Variants in FAXC observed in about 807,000 individuals in gnomAD.
FAXC encodes failed axon connections homolog.
A neutral mutation model predicts 41.9 loss-of-function variants in FAXC; 10 were observed. The ratio of observed to expected loss-of-function variants is 0.24; its 90% confidence interval spans 0.15 to 0.41. The LOEUF (loss-of-function observed/expected upper bound fraction) is 0.41. Among genes scored for constraint, FAXC ranks in the 10% least tolerant of loss-of-function variants. FAXC has a pLI of 1.00. For synonymous variants in FAXC, 183 were observed against 183.8 expected (o/e 1.00, Z 0.03); for missense variants, 399 against 510.9 (o/e 0.78, Z 2.11).
chr6:99,345,579 TA>T (rs1411598804), intron 1 of FAXC, among the ~76,000 whole-genome samples: 1 of 152,240 alleles, frequency 6.6e-6, no homozygotes, highest in African/African-American at 2.4e-5. Flanking sequence ...AAGGTTTATA[TA>T]AGAGGACAGC....
rs758577118 is a variant in FAXC at position 99,342,975 on chromosome 6, T to C, written c.325A>G (p.Asn109Asp). 17 of 1,612,488 alleles carry C rather than the reference T, an allele frequency of 1.1e-5. No homozygotes were observed. In the Middle Eastern group the frequency reaches 5.0e-4, roughly 47 times the overall value. Reference sequence around the variant, plus strand: ...GGAGATAAACTTGGAACACCATTGTTAGGTCTTGCAAACTGATGCAAAATA... The same window carrying C: ...GGAGATAAACTTGGAACACCATTGTCAGGTCTTGCAAACTGATGCAAAATA... ...AIILHQFARP[N>D]NGVPSLSPFC... is the part of the protein sequence containing the mutation. Residue 109 changes from asparagine to aspartate, a missense_variant, in exon 2 of 6, where the codon AAC becomes GAC. This residue lies in a region of FAXC where 239 missense variants were observed against 352.7 expected (regional missense o/e 0.68). Coordinates refer to ENST00000389677, the MANE Select transcript of FAXC (RefSeq NM_032511.4).
chr6:99,332,859 C>T (rs1476716302), intron 3 of FAXC, among the ~76,000 whole-genome samples: 2 of 152,130 alleles, frequency 1.3e-5, no homozygotes, highest in African/African-American at 4.8e-5. Context: ...CCAATCAATT[C>T]AACTATCTTC....
At chr6:99,301,553 C>T (rs769810906) in intron 4 of FAXC, among the ~76,000 whole-genome samples, 9 of 152,216 alleles carry the variant, frequency 5.9e-5, no homozygotes, top group Non-Finnish European at 1.3e-4. Context: ...CCAGTGCATA[C>T]TTCTTTCTCA....
chr6:99,312,148 T>C (rs540932517), intron 4 of FAXC, among the ~76,000 whole-genome samples: 28 of 152,282 alleles, frequency 1.8e-4, no homozygotes, highest in African/African-American at 6.5e-4. Context: ...AGGCACTCAG[T>C]TGGGCTCTCA....
intron 4 of FAXC, among the ~76,000 whole-genome samples, chr6:99,321,210 T>C (rs1772575978): frequency 6.6e-6 from 1 of 152,216 alleles, no homozygotes; most frequent in African/African-American, 2.4e-5. Flanking sequence ...ACTTGGGAAA[T>C]GTTCAAATCA....
At chr6:99,324,033 G>C (rs899375280) in intron 3 of FAXC, among the ~76,000 whole-genome samples, 1 of 152,116 alleles carries the variant, frequency 6.6e-6, no homozygotes, top group African/African-American at 2.4e-5. Context: ...GAGCACCCAT[G>C]GGGGCACAGG....
At chr6:99,342,854 T>G in intron 2 of FAXC, 44 bp downstream of exon 2, 1 of 1,552,618 alleles carries the variant, frequency 6.4e-7, no homozygotes, top group Non-Finnish European at 8.7e-7. Context: ...ACTCATCCCC[T>G]GATACTGATG....
chr6:99,282,083 G>A (rs1770862167), intron 5 of FAXC, among the ~76,000 whole-genome samples: 2 of 152,224 alleles, frequency 1.3e-5, no homozygotes, highest in Non-Finnish European at 2.9e-5. Flanking sequence ...TGAGTCCGAT[G>A]ATGATGAGAA....
chr6:99,317,346 G>T (rs898869891), intron 4 of FAXC, among the ~76,000 whole-genome samples: 1 of 152,110 alleles, frequency 6.6e-6, no homozygotes, highest in African/African-American at 2.4e-5. Flanking sequence ...CTCTAAATCA[G>T]TGATAATGCT....
At chr6:99,321,281 C>T (rs567261542) in intron 4 of FAXC, among the ~76,000 whole-genome samples, 2 of 152,144 alleles carry the variant, frequency 1.3e-5, no homozygotes, top group Admixed American at 6.5e-5. Flanking sequence ...AGATATACAA[C>T]CATGGACAAT....
At position 99,276,590 on chromosome 6, in the gene FAXC, A is replaced by G. The variant is rs1770632905; in HGVS notation, c.*4574T>C. 1 of 152,218 alleles carries G rather than the reference A, an allele frequency of 6.6e-6. No individual in the cohort carries two copies. The highest frequency in any genetic ancestry group is 2.4e-5 in the African/African-American group (1 of 41,466). The allele number at this position is 152,218 out of a possible 1,614,324, so 9.4% of individuals were successfully genotyped here. A position where few individuals can be genotyped will look rare whatever the true frequency, so the allele number is the denominator to read the frequency against. On this transcript the variant is annotated 3_prime_UTR_variant, in exon 6 of 6. Coordinates refer to ENST00000389677, the MANE Select transcript of FAXC (RefSeq NM_032511.4). ...TCAAGACATACTGAACATGGATAATAGAGATTACTTTTGCTTGCATAGCCT... is the reference window on the plus strand; with the variant it reads ...TCAAGACATACTGAACATGGATAATGGAGATTACTTTTGCTTGCATAGCCT...
At chr6:99,317,383 CA>C (rs149606724) in intron 4 of FAXC, among the ~76,000 whole-genome samples, 9,289 of 152,190 alleles carry the variant, frequency 0.061, 904 homozygotes, top group African/African-American at 0.21. Flanking sequence ...ACTCTGCTTC[CA>C]GGGGCAACCT....
chr6:99,279,631 C>A lies in FAXC; in HGVS notation c.*1533G>T, dbSNP rs4840025. 6.6e-6 allele frequency: 1 copy of A among 151,862 alleles called. No homozygotes were observed. The highest frequency in any genetic ancestry group is 1.5e-5 in the Non-Finnish European group (1 of 67,990). 9.4% of individuals were successfully genotyped at this position (151,862 alleles called of 1,614,324 possible). A position where few individuals can be genotyped will look rare whatever the true frequency, so the allele number is the denominator to read the frequency against. On this transcript the variant is annotated 3_prime_UTR_variant, in exon 6 of 6. Transcript: ENST00000389677. ...TAGCCCAAATCTCACAGCCATCACC[C>A]AGGATCTCTGCCCCATATTTCCCTG...
intron 4 of FAXC, among the ~76,000 whole-genome samples, chr6:99,298,724 C>T (rs1223354724): frequency 1.3e-5 from 2 of 152,192 alleles, no homozygotes; most frequent in South Asian, 2.1e-4. Flanking sequence ...TGTCCTTTCT[C>T]AAAATGGAGA....
intron 4 of FAXC, among the ~76,000 whole-genome samples, chr6:99,315,540 A>C (rs188012724): frequency 8.5e-5 from 13 of 152,304 alleles, no homozygotes; most frequent in South Asian, 2.1e-4. Flanking sequence ...GTTTAACCAC[A>C]CAGTCCTAAG....
At chr6:99,303,259 G>A (rs1011004055) in intron 4 of FAXC, among the ~76,000 whole-genome samples, 1 of 152,178 alleles carries the variant, frequency 6.6e-6, no homozygotes, top group African/African-American at 2.4e-5. Flanking sequence ...AGTCACACCA[G>A]ATGATGAACT....
At chr6:99,290,605 G>A (rs1017430046) in intron 5 of FAXC, among the ~76,000 whole-genome samples, 1 of 151,574 alleles carries the variant, frequency 6.6e-6, no homozygotes, top group Non-Finnish European at 1.5e-5. Flanking sequence ...AGGAGGCTGA[G>A]GCAGGAGAAT....
At chr6:99,292,673 C>T (rs1274939069) in intron 4 of FAXC, among the ~76,000 whole-genome samples, 1 of 152,244 alleles carries the variant, frequency 6.6e-6, no homozygotes, top group East Asian at 1.9e-4. Context: ...GTTTTCCCAT[C>T]TGGAAATGGG....
rs538372992 is a variant in FAXC, at chr6:99,333,448, C to T, written c.502G>A (p.Glu168Lys). 1.2e-6 allele frequency: 2 copies of T among 1,614,008 alleles called. No individual in the cohort carries two copies. Among genetic ancestry groups the T allele is most frequent in the East Asian group, 2.2e-5 (1 of 44,892 alleles). The change falls in exon 3 of 6, where the codon GAA (glutamate) becomes AAA (lysine). Residue 168 changes from glutamate to lysine, a missense_variant. Physicochemically the swap from Glu to Lys is moderately conservative, Grantham distance 56. Around this residue, in one of 3 missense-constraint regions of FAXC, gnomAD observed 239 missense variants for 352.7 expected, o/e 0.68. Coordinates refer to ENST00000389677, the MANE Select transcript of FAXC (RefSeq NM_032511.4). The stretch of plus-strand genomic sequence containing the variant: ...TTTAAATTCACTCCAAGCTTCTCTT[C>T]CAGAAAGTCAATTATGAATTCTGTG... The part of the protein sequence containing the change: ...SGTEFIIDFL[E>K]EKLGVNLNKN...
Sources: gnomAD v4.1 joint callset for allele counts (sites outside exome capture counted in the v4.1 genomes callset) on GRCh38, gnomAD v4.1.1 for gene constraint, gnomAD v4.1.1 regional missense constraint, MANE v1.5 for transcripts, NCBI Gene and HGNC (gene_info 2026-07-23, HGNC 2026-07-21) for gene names.